The following PPFIA2 variants were observed in gnomAD, a reference collection of about 807,000 sequenced individuals.
PPFIA2 encodes the protein liprin-alpha-2.
PPFIA2 carries 46 observed loss-of-function variants against 175.5 expected under a neutral mutation model. That is an observed-to-expected ratio of 0.26 (90% CI 0.21 to 0.34). The LOEUF (loss-of-function observed/expected upper bound fraction) is 0.34, where lower values mean the gene tolerates loss of function less well. Among genes scored for constraint, PPFIA2 ranks in the 10% least tolerant of loss-of-function variants. The pLI is 1.00. For missense variants in PPFIA2, 1,179 were observed against 1,506.1 expected, an observed-to-expected ratio of 0.78 and a Z score of 3.60; for synonymous variants, 568 against 511.4, an observed-to-expected ratio of 1.11 and a Z score of -1.49.
intron 10 of PPFIA2, 126 bp downstream of exon 10, chr12:81,375,670 G>A (rs919942998): frequency 4.0e-6 from 4 of 997,490 alleles, no homozygotes; most frequent in Non-Finnish European, 6.0e-6. Flanking sequence ...TTTTGCTAGA[G>A]AATTTCAAAT....
intron 4 of PPFIA2, among the ~76,000 whole-genome samples, chr12:81,555,250 T>C (rs186782921): frequency 1.1e-4 from 16 of 152,122 alleles, no homozygotes; most frequent in Admixed American, 7.9e-4. Context: ...TAATATCCCA[T>C]ATTATATGTT....
At position 81,305,255 on chromosome 12, in the gene PPFIA2, G is replaced by A. The variant is rs1310484827; in HGVS notation, c.2643-5873C>T. Among the ~76,000 whole-genome samples, 4 of 152,220 alleles carry A rather than the reference G, an allele frequency of 2.6e-5. No homozygotes were observed. In the East Asian group the frequency reaches 5.8e-4, roughly 22 times the overall value. On this transcript the variant is annotated intron_variant, in intron 22 of 32. Coordinates refer to ENST00000549396, the MANE Select transcript of PPFIA2 (RefSeq NM_003625.5). ...TACAAAAGCACCTAGCAGCCAATAT[G>A]TATTCAATAGATAACTAATTTCCGT...
At chr12:81,657,206 C>T (rs896308862) in intron 4 of PPFIA2, among the ~76,000 whole-genome samples, 7 of 152,134 alleles carry the variant, frequency 4.6e-5, no homozygotes, top group African/African-American at 7.2e-5. Context: ...TTAATGCTGC[C>T]GCCAATCTTC....
chr12:81,514,892 T>A (rs1348528478), intron 4 of PPFIA2, among the ~76,000 whole-genome samples: 1 of 151,978 alleles, frequency 6.6e-6, no homozygotes, highest in Admixed American at 6.6e-5. Flanking sequence ...CTGTCACTTA[T>A]GCTTTTATTA....
At chr12:81,443,229 T>A (rs145040703) in intron 6 of PPFIA2, among the ~76,000 whole-genome samples, 1 of 151,956 alleles carries the variant, frequency 6.6e-6, no homozygotes, top group Non-Finnish European at 1.5e-5. Context: ...AGGTCAGTAC[T>A]AGGATTATCT....
intron 4 of PPFIA2, among the ~76,000 whole-genome samples, chr12:81,520,681 G>A (rs975006324): frequency 6.6e-6 from 1 of 152,194 alleles, no homozygotes; most frequent in Non-Finnish European, 1.5e-5. Flanking sequence ...TGAAGGATAG[G>A]AAGTAGTCAG....
intron 4 of PPFIA2, among the ~76,000 whole-genome samples, chr12:81,662,180 G>A (rs1400103092): frequency 1.3e-5 from 2 of 151,938 alleles, no homozygotes; most frequent in Non-Finnish European, 2.9e-5. Flanking sequence ...GCTAGCAGAA[G>A]GCAAGAAATA....
At chr12:81,334,799 C>T (rs938140298) in intron 21 of PPFIA2, among the ~76,000 whole-genome samples, 5 of 152,156 alleles carry the variant, frequency 3.3e-5, no homozygotes, top group Admixed American at 6.5e-5. Flanking sequence ...TTTTACATGT[C>T]GATGCCACTT....
chr12:81,422,104 ATATATATGTGTATATATATGTGTG>A (rs1566758591), intron 7 of PPFIA2, among the ~76,000 whole-genome samples: 181 of 147,496 alleles, frequency 1.2e-3, no homozygotes, highest in Non-Finnish European at 1.8e-3. Flanking sequence ...ATATGTGTGT[ATATATATGTGTATATATATGTGTG>A]TATATATATG....
chr12:81,494,464 G>A (rs1307433988), intron 4 of PPFIA2, among the ~76,000 whole-genome samples: 3 of 152,110 alleles, frequency 2.0e-5, no homozygotes, highest in African/African-American at 7.2e-5. Context: ...GTGAGGAAGT[G>A]GAGAAATAGG....
At chr12:81,559,795 T>C (rs893972867) in intron 4 of PPFIA2, among the ~76,000 whole-genome samples, 1 of 136,690 alleles carries the variant, frequency 7.3e-6, no homozygotes, top group Non-Finnish European at 1.6e-5. Flanking sequence ...TTTTACATGA[T>C]GCTTAGTTGT....
intron 4 of PPFIA2, among the ~76,000 whole-genome samples, chr12:81,611,370 G>A (rs2060890584): frequency 6.6e-6 from 1 of 152,150 alleles, no homozygotes; most frequent in Non-Finnish European, 1.5e-5. Context: ...TCCTGCAAGG[G>A]GGGTTCCTCC....
At chr12:81,721,241 C>T (rs1402784031) in intron 3 of PPFIA2, among the ~76,000 whole-genome samples, 1 of 151,186 alleles carries the variant, frequency 6.6e-6, no homozygotes, top group Non-Finnish European at 1.5e-5. Context: ...AGAGGTTTTC[C>T]TAGAAAAATT....
chr12:81,533,961 T>C (rs990500459), intron 4 of PPFIA2, among the ~76,000 whole-genome samples: 1 of 151,598 alleles, frequency 6.6e-6, no homozygotes. Flanking sequence ...ATGTGACATA[T>C]ATACACAATA....
intron 4 of PPFIA2, among the ~76,000 whole-genome samples, chr12:81,674,255 A>G (rs975490919): frequency 6.6e-6 from 1 of 152,116 alleles, no homozygotes; most frequent in Non-Finnish European, 1.5e-5. Flanking sequence ...TTCACTCAAT[A>G]CTTGATGTAT....
intron 22 of PPFIA2, among the ~76,000 whole-genome samples, chr12:81,308,087 G>T (rs2049777688): frequency 6.6e-6 from 1 of 152,096 alleles, no homozygotes; most frequent in Non-Finnish European, 1.5e-5. Flanking sequence ...AATTTAAAAT[G>T]TAATCTAAAT....
rs1424259341 is a variant in PPFIA2, at chr12:81,453,532, G to C, written c.405+4233C>G. Among the ~76,000 whole-genome samples, 5 of 151,972 alleles carry C rather than the reference G, an allele frequency of 3.3e-5. No individual in the cohort carries two copies. In the East Asian group the frequency reaches 9.7e-4, roughly 29 times the overall value. The stretch of plus-strand genomic sequence containing the variant: ...ATATATACTTGCCAAAGTATGGTCA[G>C]AGGAGTTTTAGGAATAACAAATTTT... On this transcript the variant is annotated intron_variant, in intron 5 of 32. Coordinates refer to ENST00000549396, the MANE Select transcript of PPFIA2 (RefSeq NM_003625.5).
intron 4 of PPFIA2, among the ~76,000 whole-genome samples, chr12:81,646,159 A>G (rs1197655344): frequency 1.3e-5 from 2 of 152,166 alleles, no homozygotes; most frequent in African/African-American, 2.4e-5. Context: ...CAGTAGGAAA[A>G]GCCATCTGCT....
chr12:81,707,024 G>C (rs552687248), intron 3 of PPFIA2, among the ~76,000 whole-genome samples: 4 of 152,180 alleles, frequency 2.6e-5, no homozygotes, highest in East Asian at 1.9e-4. Flanking sequence ...ATCAATTCAA[G>C]ATGGATTAAA....
Sources: allele counts gnomAD v4.1 joint callset (sites outside exome capture counted in the v4.1 genomes callset), GRCh38; gene constraint gnomAD v4.1.1; transcripts MANE v1.5; gene names NCBI Gene and HGNC (gene_info 2026-07-23, HGNC 2026-07-21).